Variants in PHACTR3 observed in about 807,000 individuals in gnomAD.
PHACTR3 encodes the protein protein phosphatase 1, regulatory subunit 123.
In PHACTR3, 16 loss-of-function variants were observed where a neutral mutation model predicts 66.8. That is an observed-to-expected ratio of 0.24 (90% CI 0.16 to 0.36). PHACTR3 has a LOEUF of 0.36. Among genes scored for constraint, PHACTR3 ranks in the 10% least tolerant of loss-of-function variants. The pLI, the probability that PHACTR3 is intolerant of heterozygous loss-of-function variation, is 1.00. For missense variants in PHACTR3, 647 were observed against 719.9 expected (o/e 0.90, Z 1.16); for synonymous variants, 323 against 292.1 (o/e 1.11, Z -1.08).
intron 7 of PHACTR3, among the ~76,000 whole-genome samples, chr20:59,776,567 G>A (rs183831354): frequency 1.3e-5 from 2 of 152,318 alleles, no homozygotes; most frequent in East Asian, 1.9e-4. Flanking sequence ...GCCCAGAAGG[G>A]TCTCCCGGCT....
chr20:59,789,713 G>C (rs1011690117), intron 7 of PHACTR3, among the ~76,000 whole-genome samples: 1 of 152,244 alleles, frequency 6.6e-6, no homozygotes, highest in African/African-American at 2.4e-5. Flanking sequence ...GTCACTGCTT[G>C]TGCAAAACAG....
intron 1 of PHACTR3, among the ~76,000 whole-genome samples, chr20:59,735,691 G>A (rs1285512064): frequency 6.6e-6 from 1 of 152,144 alleles, no homozygotes; most frequent in African/African-American, 2.4e-5. Flanking sequence ...TATTTGGGCA[G>A]CCCCTGGGTG....
chr20:59,645,222 T>G (rs1363463094), intron 1 of PHACTR3, among the ~76,000 whole-genome samples: 2 of 43,510 alleles, frequency 4.6e-5, no homozygotes, highest in East Asian at 2.6e-3. Context: ...TTAGCAGATC[T>G]TTTTTTTTTT....
intron 8 of PHACTR3, among the ~76,000 whole-genome samples, chr20:59,810,477 C>T (rs1264975776): frequency 6.6e-6 from 1 of 152,228 alleles, no homozygotes; most frequent in African/African-American, 2.4e-5. Flanking sequence ...GTTTTCCCTA[C>T]AGCAGTGGCT....
intron 1 of PHACTR3, among the ~76,000 whole-genome samples, chr20:59,711,405 G>T (rs372002627): frequency 3.3e-5 from 5 of 152,066 alleles, no homozygotes; most frequent in African/African-American, 1.2e-4. Context: ...TGTACTGTAA[G>T]CTCATCTTTC....
intron 7 of PHACTR3, among the ~76,000 whole-genome samples, chr20:59,798,314 C>T (rs1374135957): frequency 2.0e-5 from 3 of 152,174 alleles, no homozygotes; most frequent in Non-Finnish European, 4.4e-5. Context: ...TTGCAAAAGT[C>T]CCTGTCTGTT....
chr20:59,840,159 G>A (rs1000581898), intron 9 of PHACTR3, among the ~76,000 whole-genome samples: 4 of 152,150 alleles, frequency 2.6e-5, no homozygotes, highest in Non-Finnish European at 5.9e-5. Flanking sequence ...TGACAGCAAA[G>A]CTTTGCTTAG....
intron 1 of PHACTR3, among the ~76,000 whole-genome samples, chr20:59,655,154 A>G (rs967778438): frequency 6.6e-6 from 1 of 152,110 alleles, no homozygotes; most frequent in Non-Finnish European, 1.5e-5. Context: ...AAATAGTTCT[A>G]AGTGGCATGA....
At chr20:59,624,749 A>C (rs188859723) in intron 1 of PHACTR3, among the ~76,000 whole-genome samples, 4,130 of 152,124 alleles carry the variant, frequency 0.027, 78 homozygotes, top group Middle Eastern at 0.071. Context: ...TGGAAAGAAG[A>C]CTTAAAAAAA....
intron 7 of PHACTR3, among the ~76,000 whole-genome samples, chr20:59,798,763 T>C (rs1382301902): frequency 4.6e-5 from 7 of 152,094 alleles, no homozygotes; most frequent in African/African-American, 1.7e-4. Flanking sequence ...TCTTTTTCCT[T>C]CTTCTTCCTG....
At chr20:59,764,856 C>T (rs1003868355) in intron 4 of PHACTR3, among the ~76,000 whole-genome samples, 1 of 152,186 alleles carries the variant, frequency 6.6e-6, no homozygotes, top group African/African-American at 2.4e-5. Flanking sequence ...TGGGACCCCC[C>T]CAGGAAGAAA....
At chr20:59,578,085 TG>T (rs1482422590) in intron 1 of PHACTR3, among the ~76,000 whole-genome samples, 2 of 152,216 alleles carry the variant, frequency 1.3e-5, no homozygotes, top group East Asian at 1.9e-4. Context: ...GGGAGGGCCA[TG>T]GGCCTCCACC....
Position 59,767,509 on chromosome 20 carries a change from T to C in PHACTR3, c.751+114T>C. 2.6e-6 allele frequency: 3 copies of C among 1,173,892 alleles called. 1 individual carries two copies. The highest frequency in any genetic ancestry group is 3.0e-5 in the South Asian group (2 of 67,698). 72.7% of individuals were successfully genotyped at this position (1,173,892 alleles called of 1,614,324 possible). On this transcript the variant is annotated intron_variant, in intron 5 of 12. Coordinates refer to ENST00000371015, the MANE Select transcript of PHACTR3 (RefSeq NM_080672.5). ...ATCTATTTATTCACCCATTCACTCATCCATCCATCCATACCTTCAACCAGT... is the reference window on the plus strand; with the variant it reads ...ATCTATTTATTCACCCATTCACTCACCCATCCATCCATACCTTCAACCAGT...
rs901638199 is a variant in PHACTR3 at position 59,836,366 on chromosome 20, A to G, written c.1329-139A>G. The G allele has an allele frequency of 4.4e-6, 3 of 682,664 alleles. No homozygotes were observed. In the African/African-American group the frequency reaches 5.7e-5, roughly 13 times the overall value. 42.3% of individuals were successfully genotyped at this position (682,664 alleles called of 1,614,324 possible). ...ATTTTGCCAGCAAGAGGCAACAACC[A>G]AAGGTTCACTTTCTCTCCTTCCAAT... On this transcript the variant is annotated intron_variant, in intron 8 of 12. Coordinates refer to ENST00000371015, the MANE Select transcript of PHACTR3 (RefSeq NM_080672.5).
intron 8 of PHACTR3, among the ~76,000 whole-genome samples, chr20:59,823,918 G>A (rs903209637): frequency 2.6e-5 from 4 of 152,200 alleles, no homozygotes; most frequent in Non-Finnish European, 5.9e-5. Context: ...AATAGGTTTG[G>A]GAACAGAAGC....
intron 1 of PHACTR3, among the ~76,000 whole-genome samples, chr20:59,740,721 C>T (rs2039123881): frequency 6.6e-6 from 1 of 152,190 alleles, no homozygotes; most frequent in South Asian, 2.1e-4. Context: ...GGGTGGCTTA[C>T]TCAAAGGCCC....
chr20:59,817,137 G>A (rs905430051), intron 8 of PHACTR3, among the ~76,000 whole-genome samples: 1 of 152,168 alleles, frequency 6.6e-6, no homozygotes, highest in Non-Finnish European at 1.5e-5. Context: ...TGCATAGTGG[G>A]CTCTTTGGAT....
rs748478334 is a variant in PHACTR3, at chr20:59,820,087, C to T, written c.1328+13893C>T. ...TAGAAATCTCAGGGCAAGTGGAGAT[C>T]AGGTCTGTTCTGCACAGATGCACCT... On this transcript the variant is annotated intron_variant, in intron 8 of 12. Transcript: ENST00000371015. This position sits in a 1 kb window ranked among gnomAD's most constrained non-coding sequence, Gnocchi z 4.6. 1.8e-4 allele frequency among the ~76,000 whole-genome samples: 27 copies of T among 152,266 alleles called. No homozygotes were observed. In the South Asian group the frequency reaches 5.2e-3, roughly 29 times the overall value.
At chr20:59,817,667 G>C (rs573212389) in intron 8 of PHACTR3, among the ~76,000 whole-genome samples, 22 of 152,348 alleles carry the variant, frequency 1.4e-4, no homozygotes, top group Admixed American at 3.9e-4. Flanking sequence ...TGCTCAAGAG[G>C]GCAGCTGTCA....
Sources: gnomAD v4.1 joint callset for allele counts (sites outside exome capture counted in the v4.1 genomes callset) on GRCh38, gnomAD v4.1.1 for gene constraint, Gnocchi (gnomAD v3.1) non-coding constraint, MANE v1.5 for transcripts, NCBI Gene and HGNC (gene_info 2026-07-23, HGNC 2026-07-21) for gene names.